The following RSPO4 variants were observed in gnomAD, a reference collection of about 807,000 sequenced individuals.
The protein encoded by RSPO4 is R-spondin 4.
A neutral mutation model predicts 24.8 loss-of-function variants in RSPO4; 23 were observed. The ratio of observed to expected loss-of-function variants is 0.93; its 90% confidence interval spans 0.67 to 1.31. The LOEUF is 1.31. Ranked by LOEUF, RSPO4 falls within the 40% of genes most tolerant of loss-of-function variation. The pLI, the probability that RSPO4 is intolerant of heterozygous loss-of-function variation, is 0.00. For missense variants in RSPO4, 333 were observed against 316.5 expected (o/e 1.05, Z -0.39); for synonymous variants, 141 against 127.4 (o/e 1.11, Z -0.72).
At chr20:999,556 G>A (rs1291330206) in intron 1 of RSPO4, among the ~76,000 whole-genome samples, 1 of 152,168 alleles carries the variant, frequency 6.6e-6, no homozygotes, top group East Asian at 1.9e-4. Context: ...TGGGTCAGGG[G>A]TGTGACTGAA....
Position 958,621 on chromosome 20 carries a change from A to C in RSPO4, c.*1736T>G. The C allele has an allele frequency of 1.4e-5, 2 of 140,356 alleles. No homozygotes were observed. The highest frequency in any genetic ancestry group is 2.4e-4 in the South Asian group (1 of 4,172). 8.7% of individuals were successfully genotyped at this position (140,356 alleles called of 1,614,324 possible). A position where few individuals can be genotyped will look rare whatever the true frequency, so the allele number is the denominator to read the frequency against. On this transcript the variant is annotated 3_prime_UTR_variant, in exon 5 of 5. Transcript: ENST00000217260. The stretch of plus-strand genomic sequence containing the variant: ...GTTCTCGGGGAGGTGAGAGCAGGGA[A>C]GTCAGAGAGAGGGTGGGCCTGCTGG...
At chr20:1,001,383 G>T (rs931308331) in intron 1 of RSPO4, among the ~76,000 whole-genome samples, 1 of 152,208 alleles carries the variant, frequency 6.6e-6, no homozygotes, top group Admixed American at 6.5e-5. Context: ...TCACAGCGAG[G>T]CTGTGGCATA....
intron 1 of RSPO4, among the ~76,000 whole-genome samples, chr20:988,792 C>T (rs911286395): frequency 2.0e-5 from 3 of 152,102 alleles, no homozygotes; most frequent in Non-Finnish European, 4.4e-5. Context: ...CTCAAGTGAT[C>T]CACCCGACTC....
intron 1 of RSPO4, among the ~76,000 whole-genome samples, chr20:982,761 C>T (rs1021856308): frequency 6.6e-6 from 1 of 152,198 alleles, no homozygotes; most frequent in African/African-American, 2.4e-5. Context: ...TATGACGTGC[C>T]CAGCAATACT....
At chr20:967,097 C>T in intron 3 of RSPO4, 77 bp downstream of exon 3, 17 of 1,437,792 alleles carry the variant, frequency 1.2e-5, no homozygotes, top group African/African-American at 1.4e-5. Flanking sequence ...TCTTCCAGGG[C>T]CCCTAACATC....
At chr20:966,873 G>GCAAA (rs955538494) in intron 3 of RSPO4, among the ~76,000 whole-genome samples, 1 of 142,470 alleles carries the variant, frequency 7.0e-6, no homozygotes, top group African/African-American at 2.6e-5. Flanking sequence ...AAGCAAACAA[G>GCAAA]CAAACAAACA....
At chr20:974,544 A>G (rs145423612) in intron 1 of RSPO4, among the ~76,000 whole-genome samples, 1 of 152,364 alleles carries the variant, frequency 6.6e-6, no homozygotes, top group East Asian at 1.9e-4. Context: ...GATGCACTTA[A>G]CCTGGGCTTG....
At chr20:995,016 T>C (rs1985231621) in intron 1 of RSPO4, among the ~76,000 whole-genome samples, 1 of 152,226 alleles carries the variant, frequency 6.6e-6, no homozygotes, top group Non-Finnish European at 1.5e-5. Context: ...ATTCAAGTTT[T>C]GCCTTCACCG....
chr20:968,575 A>G (rs1984309368), intron 1 of RSPO4, among the ~76,000 whole-genome samples: 1 of 152,252 alleles, frequency 6.6e-6, no homozygotes. Flanking sequence ...AGACTGTTAC[A>G]TGAGAGAGAA....
intron 3 of RSPO4, among the ~76,000 whole-genome samples, chr20:965,257 G>C (rs1984158059): frequency 6.6e-6 from 1 of 152,100 alleles, no homozygotes; most frequent in African/African-American, 2.4e-5. Flanking sequence ...AGTGGGGGTG[G>C]GATGGCGGGG....
At chr20:974,684 C>T (rs1323577597) in intron 1 of RSPO4, among the ~76,000 whole-genome samples, 2 of 152,120 alleles carry the variant, frequency 1.3e-5, no homozygotes, top group Non-Finnish European at 2.9e-5. Flanking sequence ...TGTGTGTTTT[C>T]CTTTCCTCTC....
chr20:967,235 C>A lies in RSPO4; in HGVS notation c.348G>T (p.Gly116=). 6.2e-7 allele frequency: 1 copy of A among 1,614,228 alleles called. No homozygotes were observed. The highest frequency in any genetic ancestry group is 8.5e-7 in the Non-Finnish European group (1 of 1,180,036). The change falls in exon 3 of 5, where the codon GGG becomes GGT. Residue 116 remains glycine, a synonymous_variant. Coordinates refer to ENST00000217260, the MANE Select transcript of RSPO4 (RefSeq NM_001029871.4). ...CCGGCGGGCAGGTGGGCAGACACTT[C>A]CCCTTGTACAAGTAAAACTGCCTCT... is the stretch of plus-strand genomic sequence containing the variant. ...RCKRQFYLYK[G]KCLPTCPPGT...
At chr20:989,264 C>T (rs1985018100) in intron 1 of RSPO4, among the ~76,000 whole-genome samples, 1 of 152,214 alleles carries the variant, frequency 6.6e-6, no homozygotes. Flanking sequence ...CAGCAGGGAA[C>T]CCAGGTTTGA....
chr20:969,387 A>G (rs1369908585), intron 1 of RSPO4, among the ~76,000 whole-genome samples: 1 of 152,164 alleles, frequency 6.6e-6, no homozygotes, highest in African/African-American at 2.4e-5. Context: ...TCTGTTCCCA[A>G]CCCTGCCAAC....
rs568947802 is a variant in RSPO4 at position 975,242 on chromosome 20, G to A, written c.80-7104C>T. On this transcript the variant is annotated intron_variant, in intron 1 of 4. Coordinates refer to ENST00000217260, the MANE Select transcript of RSPO4 (RefSeq NM_001029871.4). ...GCTCCAGGGGACACTGAGGTTCCAG[G>A]GAGCACACTTTGAAACCCCCTGGGT... Among the ~76,000 whole-genome samples the A allele has an allele frequency of 1.6e-4, 24 of 152,236 alleles. 1 individual carries two copies. The highest frequency in any genetic ancestry group is 2.8e-4 in the Non-Finnish European group (19 of 68,004).
chr20:960,726 C>G (rs950540822), intron 4 of RSPO4, among the ~76,000 whole-genome samples: 1 of 152,252 alleles, frequency 6.6e-6, no homozygotes, highest in African/African-American at 2.4e-5. Flanking sequence ...TGCTGGACAT[C>G]TGGCTCGGCC....
At chr20:998,785 C>T (rs1319296189) in intron 1 of RSPO4, among the ~76,000 whole-genome samples, 2 of 152,160 alleles carry the variant, frequency 1.3e-5, no homozygotes, top group Non-Finnish European at 2.9e-5. Context: ...ACAGAGGCTG[C>T]CCTGTGAAAT....
At chr20:992,018 G>A (rs1214988339) in intron 1 of RSPO4, among the ~76,000 whole-genome samples, 2 of 139,874 alleles carry the variant, frequency 1.4e-5, no homozygotes, top group African/African-American at 5.0e-5. Context: ...CGGGGGTGGT[G>A]TAGGGAGTGA....
At chr20:994,584 T>C (rs149331210) in intron 1 of RSPO4, among the ~76,000 whole-genome samples, 3,037 of 152,280 alleles carry the variant, frequency 0.02, 51 homozygotes, top group Middle Eastern at 0.11. Flanking sequence ...TTAGACGAAG[T>C]CTTGTTCTGT....
Sources: gnomAD v4.1 joint callset for allele counts (sites outside exome capture counted in the v4.1 genomes callset) on GRCh38, gnomAD v4.1.1 for gene constraint, MANE v1.5 for transcripts, NCBI Gene and HGNC (gene_info 2026-07-23, HGNC 2026-07-21) for gene names.